The following AMPH variants were observed in gnomAD, a reference collection of about 807,000 sequenced individuals.
AMPH encodes amphiphysin (Stiff-Mann syndrome with breast cancer 128kD autoantigen).
A neutral mutation model predicts 99.1 loss-of-function variants in AMPH; 49 were observed. The observed-to-expected ratio is 0.49, with a 90% CI of 0.39 to 0.63. AMPH has a LOEUF of 0.63. AMPH is among the 20% of genes least tolerant of loss of function. AMPH has a pLI of 0.00. For synonymous variants in AMPH, 314 were observed against 317.3 expected (o/e 0.99, Z 0.11); for missense variants, 759 against 863.4 (o/e 0.88, Z 1.52).
chr7:38,606,566 CTTTT>C (rs56934636), intron 1 of AMPH, among the ~76,000 whole-genome samples: 15 of 97,278 alleles, frequency 1.5e-4, no homozygotes, highest in South Asian at 1.1e-3. Context: ...ACGTCATTCT[CTTTT>C]TTTTTTTTTT....
intron 16 of AMPH, among the ~76,000 whole-genome samples, chr7:38,420,546 A>G (rs760494197): frequency 2.0e-5 from 3 of 152,258 alleles, no homozygotes; most frequent in Admixed American, 6.5e-5. Context: ...AGATGCCACA[A>G]TGGTTTAACT....
At chr7:38,474,924 T>A (rs2129014058) in intron 7 of AMPH, among the ~76,000 whole-genome samples, 1 of 152,240 alleles carries the variant, frequency 6.6e-6, no homozygotes, top group East Asian at 1.9e-4. Flanking sequence ...ATAAAGGAAG[T>A]TCCTCCAAGA....
intron 2 of AMPH, among the ~76,000 whole-genome samples, chr7:38,507,827 G>A (rs547155519): frequency 8.7e-4 from 132 of 152,268 alleles, no homozygotes; most frequent in African/African-American, 3.1e-3. Context: ...GGCAACAGGA[G>A]GGCAGGGGAG....
chr7:38,398,354 T>G (rs1325298749), intron 17 of AMPH, among the ~76,000 whole-genome samples: 2 of 152,228 alleles, frequency 1.3e-5, no homozygotes, highest in Non-Finnish European at 2.9e-5. Flanking sequence ...GGAGTACTAT[T>G]CAGCCATAGA....
chr7:38,588,568 G>A (rs1742002590), intron 1 of AMPH, among the ~76,000 whole-genome samples: 1 of 152,102 alleles, frequency 6.6e-6, no homozygotes, highest in Non-Finnish European at 1.5e-5. Flanking sequence ...ACATCAAAAT[G>A]AGCCTGTCAA....
chr7:38,577,240 A>G (rs1269778084), intron 1 of AMPH, among the ~76,000 whole-genome samples: 1 of 152,184 alleles, frequency 6.6e-6, no homozygotes, highest in East Asian at 1.9e-4. Flanking sequence ...ACAAATGTAC[A>G]CCTGTGGCCA....
At chr7:38,581,288 A>G (rs1792449488) in intron 1 of AMPH, among the ~76,000 whole-genome samples, 1 of 151,998 alleles carries the variant, frequency 6.6e-6, no homozygotes, top group South Asian at 2.1e-4. Flanking sequence ...TAAAATGGGT[A>G]TTAAGGGAAG....
intron 13 of AMPH, among the ~76,000 whole-genome samples, chr7:38,430,857 C>A (rs1209813367): frequency 6.6e-6 from 1 of 152,120 alleles, no homozygotes; most frequent in East Asian, 1.9e-4. Context: ...CAGTATGAGC[C>A]CTGCAACTGC....
chr7:38,625,316 G>A (rs138345754), intron 1 of AMPH, among the ~76,000 whole-genome samples: 9 of 152,138 alleles, frequency 5.9e-5, no homozygotes, highest in African/African-American at 1.4e-4. Context: ...ATTGAACCTC[G>A]AACAATAATA....
intron 1 of AMPH, among the ~76,000 whole-genome samples, chr7:38,601,458 C>T (rs1246881460): frequency 6.6e-6 from 1 of 152,130 alleles, no homozygotes; most frequent in East Asian, 1.9e-4. Flanking sequence ...TGTGAAGGGG[C>T]CTTTAAGCTC....
chr7:38,587,947 T>TGCGC (rs1438923883), intron 1 of AMPH, among the ~76,000 whole-genome samples: 2,084 of 144,788 alleles, frequency 0.014, 55 homozygotes, highest in African/African-American at 0.05. Context: ...TGTGTGTGTG[T>TGCGC]GTGCGCGTGT....
chr7:38,393,707 C>T (rs1784583888), intron 18 of AMPH, among the ~76,000 whole-genome samples: 1 of 152,206 alleles, frequency 6.6e-6, no homozygotes, highest in South Asian at 2.1e-4. Context: ...CATTCTCATC[C>T]TTTTCACTGT....
intron 2 of AMPH, among the ~76,000 whole-genome samples, chr7:38,526,751 A>G (rs567609857): frequency 1.3e-5 from 2 of 152,256 alleles, no homozygotes; most frequent in East Asian, 3.9e-4. Flanking sequence ...TCTTTTGCAA[A>G]GGAAGTTTTT....
chr7:38,400,795 C>T (rs1034988185), intron 17 of AMPH, among the ~76,000 whole-genome samples: 5 of 152,166 alleles, frequency 3.3e-5, no homozygotes, highest in African/African-American at 9.7e-5. Flanking sequence ...GTGTCAATCA[C>T]GCAACTGGTC....
intron 1 of AMPH, among the ~76,000 whole-genome samples, chr7:38,596,987 C>T (rs778012856): frequency 4.6e-5 from 7 of 152,184 alleles, no homozygotes; most frequent in African/African-American, 1.4e-4. Flanking sequence ...CCCTGCCGCC[C>T]GGCCCATAGC....
intron 2 of AMPH, among the ~76,000 whole-genome samples, chr7:38,528,239 A>G (rs1393188156): frequency 6.6e-6 from 1 of 152,148 alleles, no homozygotes; most frequent in Non-Finnish European, 1.5e-5. Flanking sequence ...TTTTGGTATC[A>G]AGGTAATACA....
intron 1 of AMPH, among the ~76,000 whole-genome samples, chr7:38,602,853 G>A (rs879597772): frequency 5.9e-5 from 9 of 152,056 alleles, no homozygotes; most frequent in African/African-American, 1.7e-4. Context: ...CTAAATCATG[G>A]TATCCTGAGG....
At chr7:38,581,603 A>G (rs1393090535) in intron 1 of AMPH, among the ~76,000 whole-genome samples, 1 of 152,206 alleles carries the variant, frequency 6.6e-6, no homozygotes, top group Non-Finnish European at 1.5e-5. Context: ...TCACCTTTTA[A>G]CAGGAACAGA....
At chr7:38,526,464 C>T (rs568247181) in intron 2 of AMPH, among the ~76,000 whole-genome samples, 12 of 98,782 alleles carry the variant, frequency 1.2e-4, no homozygotes, top group East Asian at 1.1e-3. Context: ...TCAGTAGAGA[C>T]GGAGTTTTGC....
Sources: allele counts gnomAD v4.1 joint callset (sites outside exome capture counted in the v4.1 genomes callset), GRCh38; gene constraint gnomAD v4.1.1; transcripts MANE v1.5; gene names NCBI Gene and HGNC (gene_info 2026-07-23, HGNC 2026-07-21).